The following DCC variants were observed in gnomAD, a reference collection of about 807,000 sequenced individuals.
The protein encoded by DCC is DCC netrin 1 receptor.
In DCC, 58 loss-of-function variants were observed where a neutral mutation model predicts 172.5. That is an observed-to-expected ratio of 0.34 (90% CI 0.27 to 0.42). DCC has a LOEUF of 0.42. Among genes scored for constraint, DCC ranks in the 10% least tolerant of loss-of-function variants. The pLI is 1.00. For synonymous variants in DCC, 709 were observed against 644.5 expected (o/e 1.10, Z -1.52); for missense variants, 1,740 against 1,791.0 (o/e 0.97, Z 0.51).
chr18:53,309,179 A>G (rs1273093263), intron 13 of DCC, among the ~76,000 whole-genome samples: 4 of 152,082 alleles, frequency 2.6e-5, no homozygotes, highest in Non-Finnish European at 4.4e-5. Context: ...CTGGGACTAT[A>G]GGTGTGTTTC....
intron 2 of DCC, among the ~76,000 whole-genome samples, 176 bp downstream of exon 2, chr18:52,752,550 T>C (rs2037014827): frequency 6.6e-6 from 1 of 152,198 alleles, no homozygotes; most frequent in African/African-American, 2.4e-5. Flanking sequence ...TTGATGTATG[T>C]ATACATCGTG....
intron 23 of DCC, among the ~76,000 whole-genome samples, chr18:53,455,198 T>C (rs2045468510): frequency 6.6e-6 from 1 of 152,192 alleles, no homozygotes; most frequent in Admixed American, 6.5e-5. Flanking sequence ...TCAATCCCTA[T>C]CAGATGTTGG....
At chr18:52,402,140 G>A (rs1318598441) in intron 1 of DCC, among the ~76,000 whole-genome samples, 2 of 151,900 alleles carry the variant, frequency 1.3e-5, no homozygotes, top group Non-Finnish European at 2.9e-5. Context: ...AATCCTTTTA[G>A]TTTTGAAGTT....
intron 1 of DCC, among the ~76,000 whole-genome samples, chr18:52,378,447 A>G (rs1247258481): frequency 6.6e-6 from 1 of 151,466 alleles, no homozygotes; most frequent in Non-Finnish European, 1.5e-5. Flanking sequence ...CAAGGAACAT[A>G]AGATAAATAT....
chr18:52,849,426 C>T (rs2038942133), intron 2 of DCC, among the ~76,000 whole-genome samples: 1 of 152,176 alleles, frequency 6.6e-6, no homozygotes, highest in South Asian at 2.1e-4. Context: ...TTCTCCTTCT[C>T]TAACTCTACA....
At chr18:52,710,557 G>T (rs1174125422) in intron 1 of DCC, among the ~76,000 whole-genome samples, 1 of 152,204 alleles carries the variant, frequency 6.6e-6, no homozygotes, top group Non-Finnish European at 1.5e-5. Context: ...ACCAAAACAT[G>T]AGGGGAAGAC....
chr18:52,974,486 G>A (rs987466151), intron 5 of DCC, among the ~76,000 whole-genome samples: 2 of 152,142 alleles, frequency 1.3e-5, no homozygotes, highest in South Asian at 4.1e-4. Context: ...AAATGCCAGA[G>A]GACTTGCAGC....
intron 1 of DCC, among the ~76,000 whole-genome samples, chr18:52,723,566 C>A (rs1225752567): frequency 6.6e-6 from 1 of 152,136 alleles, no homozygotes; most frequent in Non-Finnish European, 1.5e-5. Context: ...ATATTTAAAG[C>A]ATTCATCTAA....
chr18:52,960,187 C>A (rs1446651102), intron 5 of DCC, among the ~76,000 whole-genome samples: 2 of 151,954 alleles, frequency 1.3e-5, no homozygotes, highest in Non-Finnish European at 2.9e-5. Context: ...TAAAAAATTT[C>A]TAGGTTTTGT....
chr18:53,344,054 T>C (rs924014354), intron 15 of DCC, among the ~76,000 whole-genome samples: 1 of 152,078 alleles, frequency 6.6e-6, no homozygotes, highest in African/African-American at 2.4e-5. Flanking sequence ...ACTAATTTTG[T>C]TGATCTTGTC....
intron 1 of DCC, among the ~76,000 whole-genome samples, chr18:52,739,702 G>A (rs74487020): frequency 1.1e-3 from 174 of 152,276 alleles, no homozygotes; most frequent in African/African-American, 3.8e-3. Context: ...AGGTACTACC[G>A]GAAATCACAC....
chr18:52,556,384 A>T (rs1020913330), intron 1 of DCC, among the ~76,000 whole-genome samples: 2 of 152,126 alleles, frequency 1.3e-5, no homozygotes, highest in African/African-American at 4.8e-5. Flanking sequence ...GACAACATAG[A>T]ATATGATTTC....
intron 7 of DCC, among the ~76,000 whole-genome samples, chr18:53,151,771 A>G (rs1303026805): frequency 1.3e-5 from 2 of 152,152 alleles, no homozygotes; most frequent in Non-Finnish European, 1.5e-5. Flanking sequence ...AAAGTTCTTA[A>G]TCTACTACCA....
intron 3 of DCC, among the ~76,000 whole-genome samples, chr18:52,919,510 T>C (rs1322707596): frequency 6.6e-6 from 1 of 152,162 alleles, no homozygotes; most frequent in Non-Finnish European, 1.5e-5. Context: ...TTCATATGAA[T>C]GTATGTACAA....
intron 27 of DCC, among the ~76,000 whole-genome samples, chr18:53,505,654 T>C (rs1022313799): frequency 2.0e-5 from 3 of 152,180 alleles, no homozygotes; most frequent in Non-Finnish European, 2.9e-5. Context: ...TCAGTGGCCA[T>C]CCAGATAATC....
rs143900263 is a variant in DCC at position 52,382,612 on chromosome 18, A to T, written c.91+41734A>T. On this transcript the variant is annotated intron_variant, in intron 1 of 28. Transcript: ENST00000442544. ...AATACTCTGGTGTTGTAATGACGACATATTGGAGAGATATTTTGGAGACAG... is the reference window on the plus strand; with the variant it reads ...AATACTCTGGTGTTGTAATGACGACTTATTGGAGAGATATTTTGGAGACAG... 5.1e-4 allele frequency among the ~76,000 whole-genome samples: 77 copies of T among 152,270 alleles called. No individual in the cohort carries two copies. The East Asian group carries it at 0.014, about 27-fold the overall frequency.
chr18:52,940,912 A>T (rs1008982416), intron 5 of DCC: 6 of 152,146 alleles, frequency 3.9e-5, no homozygotes, highest in Admixed American at 3.9e-4. Context: ...TAGTACTTGG[A>T]GTAGAGTTCA....
At chr18:52,638,218 A>G (rs1327831186) in intron 1 of DCC, among the ~76,000 whole-genome samples, 1 of 152,180 alleles carries the variant, frequency 6.6e-6, no homozygotes, top group African/African-American at 2.4e-5. Flanking sequence ...GAACCTCTTT[A>G]AAGCATAAAT....
intron 1 of DCC, among the ~76,000 whole-genome samples, chr18:52,587,494 G>T (rs1049308594): frequency 1.3e-5 from 2 of 152,164 alleles, no homozygotes; most frequent in African/African-American, 2.4e-5. Flanking sequence ...ACTCAGAGAA[G>T]TCCATCCACA....
Sources: allele counts gnomAD v4.1 joint callset (sites outside exome capture counted in the v4.1 genomes callset), GRCh38; gene constraint gnomAD v4.1.1; transcripts MANE v1.5; gene names NCBI Gene and HGNC (gene_info 2026-07-23, HGNC 2026-07-21).